Variants in RIMS1 observed in about 807,000 individuals in gnomAD.
RIMS1 encodes the protein regulating synaptic membrane exocytosis 1.
In RIMS1, 83 loss-of-function variants were observed where a neutral mutation model predicts 214.1. That is an observed-to-expected ratio of 0.39 (90% confidence interval 0.32 to 0.47). The LOEUF (loss-of-function observed/expected upper bound fraction) is 0.47. Among genes scored for constraint, RIMS1 ranks in the 20% least tolerant of loss-of-function variants. The probability of loss-of-function intolerance (pLI) is 0.99; values close to 1 mark genes in which losing one functional copy is unlikely to be tolerated. For missense variants in RIMS1, 2,050 were observed against 2,161.8 expected, an observed-to-expected ratio of 0.95 and a Z score of 1.03; for synonymous variants, 793 against 786.8, an observed-to-expected ratio of 1.01 and a Z score of -0.13.
At chr6:72,384,932 C>G (rs1419059449) in intron 29 of RIMS1, among the ~76,000 whole-genome samples, 1 of 152,098 alleles carries the variant, frequency 6.6e-6, no homozygotes, top group Non-Finnish European at 1.5e-5. Context: ...ACACATATCT[C>G]TAAATAAGCA....
At chr6:71,966,294 A>T (rs2151308726) in intron 1 of RIMS1, among the ~76,000 whole-genome samples, 1 of 152,318 alleles carries the variant, frequency 6.6e-6, no homozygotes, top group Non-Finnish European at 1.5e-5. Context: ...TTCCTGTTAT[A>T]TTCAGATTAA....
chr6:72,067,273 G>A (rs927000735), intron 2 of RIMS1, among the ~76,000 whole-genome samples: 11 of 152,040 alleles, frequency 7.2e-5, no homozygotes, highest in African/African-American at 1.4e-4. Flanking sequence ...ATCTGCCACC[G>A]GCCATGTATT....
intron 2 of RIMS1, among the ~76,000 whole-genome samples, chr6:72,027,045 G>C (rs1256655535): frequency 6.6e-6 from 1 of 152,162 alleles, no homozygotes. Flanking sequence ...TTTTAATCAT[G>C]TGTGCATATA....
intron 1 of RIMS1, among the ~76,000 whole-genome samples, chr6:71,895,213 T>A (rs941935294): frequency 1.3e-5 from 2 of 152,252 alleles, no homozygotes; most frequent in African/African-American, 2.4e-5. Flanking sequence ...GTTCACAATT[T>A]ACATACCTAC....
intron 4 of RIMS1, among the ~76,000 whole-genome samples, chr6:72,108,031 G>T (rs1043941041): frequency 1.3e-5 from 2 of 151,872 alleles, no homozygotes; most frequent in African/African-American, 4.8e-5. Flanking sequence ...ATTGTGTTTT[G>T]TTTTTGAGAC....
rs964191761 is a variant in RIMS1 at position 72,335,948 on chromosome 6, T to A, written c.4366+2113T>A. Among the ~76,000 whole-genome samples the A allele has an allele frequency of 5.3e-5, 8 of 151,984 alleles. No individual in the cohort carries two copies. In the South Asian group the frequency reaches 1.7e-3, roughly 31 times the overall value. ...TTCTTCTCTTGTAAATTTGTTTAAG[T>A]TCTTTCTAGATTCTGGTTATTAGCC... On this transcript the variant is annotated intron_variant, in intron 29 of 33. Coordinates refer to ENST00000521978, the MANE Select transcript of RIMS1 (RefSeq NM_014989.7).
chr6:71,973,041 C>T (rs1487255826), intron 2 of RIMS1, among the ~76,000 whole-genome samples: 2 of 152,118 alleles, frequency 1.3e-5, no homozygotes, highest in African/African-American at 2.4e-5. Context: ...TCCCAAGTAG[C>T]TGGGATTACA....
intron 28 of RIMS1, among the ~76,000 whole-genome samples, chr6:72,325,936 T>C (rs2096442189): frequency 6.6e-6 from 1 of 151,824 alleles, no homozygotes; most frequent in South Asian, 2.1e-4. Context: ...CACTGAAAAT[T>C]ATAGGATGGA....
Position 72,041,867 on chromosome 6 carries a change from A to C in RIMS1, c.246-55082A>C, listed in dbSNP as rs1821531366. 1.3e-5 allele frequency among the ~76,000 whole-genome samples: 2 copies of C among 151,928 alleles called. 1 individual carries two copies. The highest frequency in any genetic ancestry group is 4.1e-4 in the South Asian group (2 of 4,834). On this transcript the variant is annotated intron_variant, in intron 2 of 33. Coordinates refer to ENST00000521978, the MANE Select transcript of RIMS1 (RefSeq NM_014989.7). ...TTCTTATTTTATTTAACAGTTAAGGAAACGGAGACTTAATAAGGTAATTTG... is the reference window on the plus strand; with the variant it reads ...TTCTTATTTTATTTAACAGTTAAGGCAACGGAGACTTAATAAGGTAATTTG...
In RIMS1 at chr6:72,292,031, G is replaced by C; in HGVS notation, c.3835G>C (p.Gly1279Arg). Residue 1279 changes from glycine (G) to arginine (R), a missense_variant, in exon 26 of 34, where the codon GGC (glycine) becomes CGC (arginine). By Grantham distance (125) the Gly-to-Arg change is moderately radical. Transcript: ENST00000521978. ...GCTCCCACAAGTGCCAGTGAGAAGC[G>C]GCAGTATAGAACAAGGTATCCGATA... is the stretch of plus-strand genomic sequence containing the variant. The part of the protein sequence containing the change: ...RQLPQVPVRS[G>R]SIEQASLVVE... 6.4e-7 allele frequency: 1 copy of C among 1,555,262 alleles called. No homozygotes were observed. The highest frequency in any genetic ancestry group is 8.7e-7 in the Non-Finnish European group (1 of 1,148,952).
At chr6:71,997,222 C>T (rs984370558) in intron 2 of RIMS1, among the ~76,000 whole-genome samples, 2 of 152,070 alleles carry the variant, frequency 1.3e-5, no homozygotes, top group African/African-American at 4.8e-5. Flanking sequence ...TTACCTGCCC[C>T]TAAAATGATT....
intron 29 of RIMS1, among the ~76,000 whole-genome samples, chr6:72,367,987 G>A (rs541064793): frequency 1.4e-4 from 21 of 151,990 alleles, no homozygotes; most frequent in South Asian, 6.2e-4. Flanking sequence ...GGGCTTATCC[G>A]TGGAATAAAG....
At chr6:71,955,406 A>AT (rs1342310290) in intron 1 of RIMS1, among the ~76,000 whole-genome samples, 1 of 152,104 alleles carries the variant, frequency 6.6e-6, no homozygotes, top group Non-Finnish European at 1.5e-5. Flanking sequence ...ACCTCAGGTG[A>AT]TCCTCCCATC....
At chr6:71,927,361 T>C (rs1337453967) in intron 1 of RIMS1, among the ~76,000 whole-genome samples, 1 of 152,140 alleles carries the variant, frequency 6.6e-6, no homozygotes, top group Non-Finnish European at 1.5e-5. Context: ...TTTGTAAAAT[T>C]ATTACAGTTA....
chr6:72,180,555 G>C (rs1588642192), intron 5 of RIMS1, among the ~76,000 whole-genome samples: 1 of 152,214 alleles, frequency 6.6e-6, no homozygotes, highest in Non-Finnish European at 1.5e-5. Flanking sequence ...AGGTGAAAGG[G>C]AAGCCACTGA....
chr6:72,192,051 C>T (rs1450944846), intron 6 of RIMS1, among the ~76,000 whole-genome samples: 1 of 152,222 alleles, frequency 6.6e-6, no homozygotes, highest in Non-Finnish European at 1.5e-5. Context: ...AGGGAGCCAA[C>T]GTGGGGGTTC....
intron 4 of RIMS1, among the ~76,000 whole-genome samples, chr6:72,161,952 T>G (rs1180607750): frequency 7.1e-6 from 1 of 140,918 alleles, no homozygotes; most frequent in African/African-American, 2.5e-5. Flanking sequence ...TTGTTAACTT[T>G]CTGTCTTGTT....
Position 72,255,039 on chromosome 6 carries a change from G to C in RIMS1, c.2770+2207G>C, listed in dbSNP as rs1275057899. Among the ~76,000 whole-genome samples, 4 of 152,016 alleles carry C rather than the reference G, an allele frequency of 2.6e-5. No homozygotes were observed. The East Asian group carries it at 7.7e-4, about 29-fold the overall frequency. ...AAAGATCTCCTCATAAATTAAAGGA[G>C]AGCATGTAATTCATTAATATTTTCA... On this transcript the variant is annotated intron_variant, in intron 16 of 33. Coordinates refer to ENST00000521978, the MANE Select transcript of RIMS1 (RefSeq NM_014989.7).
At chr6:72,037,117 T>C (rs1585360699) in intron 2 of RIMS1, among the ~76,000 whole-genome samples, 1 of 152,078 alleles carries the variant, frequency 6.6e-6, no homozygotes, top group East Asian at 1.9e-4. Flanking sequence ...ATTTACTTCC[T>C]TATAGCAAAG....
Sources: allele counts gnomAD v4.1 joint callset (sites outside exome capture counted in the v4.1 genomes callset), GRCh38; gene constraint gnomAD v4.1.1; transcripts MANE v1.5; gene names NCBI Gene and HGNC (gene_info 2026-07-23, HGNC 2026-07-21).